CSTF3: variants seen among roughly 807,000 people sequenced by gnomAD.
CSTF3 encodes cleavage stimulation factor subunit 3, also known as CF-1 77 kDa subunit.
In CSTF3, 29 loss-of-function variants were observed where a neutral mutation model predicts 105.8. The observed-to-expected ratio is 0.27, with a 90% CI of 0.20 to 0.37. The LOEUF (loss-of-function observed/expected upper bound fraction) is 0.37. CSTF3 is among the 10% of genes least tolerant of loss of function. The pLI is 1.00. For missense variants in CSTF3, 357 were observed against 879.3 expected (o/e 0.41, Z 7.51); for synonymous variants, 252 against 281.9 (o/e 0.89, Z 1.06).
chr11:33,153,416 G>A (rs567504548), intron 1 of CSTF3, among the ~76,000 whole-genome samples: 1 of 152,198 alleles, frequency 6.6e-6, no homozygotes, highest in Non-Finnish European at 1.5e-5. Context: ...TTTATTAGGA[G>A]GTTGTTAATG....
intron 14 of CSTF3, 140 bp downstream of exon 14, chr11:33,096,695 A>C (rs1485237288): frequency 1.3e-6 from 1 of 777,348 alleles, no homozygotes; most frequent in Admixed American, 3.2e-5. Flanking sequence ...TGCTCCATAA[A>C]ATTTTACACA....
intron 3 of CSTF3, chr11:33,141,405 G>T: frequency 8.3e-7 from 1 of 1,205,582 alleles, no homozygotes; most frequent in Non-Finnish European, 1.0e-6. Context: ...CACATGACAA[G>T]TAAATAAAAG....
chr11:33,089,508 A>G lies in CSTF3; in HGVS notation c.1641+1024T>C, dbSNP rs553455001. On this transcript the variant is annotated intron_variant, in intron 17 of 20. Coordinates refer to ENST00000323959, the MANE Select transcript of CSTF3 (RefSeq NM_001326.3). ...AAGAACCTATCAATGATGTTAAATG[A>G]GGATTTACTGTAGTCTTAAACTATC... Among the ~76,000 whole-genome samples the G allele has an allele frequency of 3.3e-5, 5 of 152,346 alleles. 1 individual carries two copies. Among genetic ancestry groups the G allele is most frequent in the African/African-American group, 1.2e-4 (5 of 41,586 alleles).
intron 1 of CSTF3, among the ~76,000 whole-genome samples, chr11:33,158,625 C>T (rs1168338666): frequency 6.6e-6 from 1 of 152,128 alleles, no homozygotes; most frequent in African/African-American, 2.4e-5. Flanking sequence ...AATGAGATCA[C>T]CCTAAACCAA....
At chr11:33,118,478 G>T (rs551437536) in intron 3 of CSTF3, among the ~76,000 whole-genome samples, 17 of 151,748 alleles carry the variant, frequency 1.1e-4, no homozygotes, top group African/African-American at 4.1e-4. Flanking sequence ...GTAATTTTGG[G>T]GTAAGAAAAA....
chr11:33,110,400 T>C (rs184939394), intron 3 of CSTF3, among the ~76,000 whole-genome samples: 1 of 152,248 alleles, frequency 6.6e-6, no homozygotes, highest in Non-Finnish European at 1.5e-5. Context: ...AAATTTTCTA[T>C]GGGTCAGCTT....
rs1288556476 is a variant in CSTF3 at position 33,102,271 on chromosome 11, T to C, written c.732A>G (p.Gln244=). ...TCCACATATCTACTTGTTGAGCTTC[T>C]TGAGGAGTATTCTGAGGAGGCACCG... is the stretch of plus-strand genomic sequence containing the variant. ...APSVPPQNTP[Q]EAQQVDMWKK... Residue 244 remains glutamine (Q), a synonymous_variant, in exon 10 of 21, where the codon CAA becomes CAG. Transcript: ENST00000323959. 6.2e-7 allele frequency: 1 copy of C among 1,614,048 alleles called. No individual in the cohort carries two copies. Among genetic ancestry groups the C allele is most frequent in the East Asian group, 2.2e-5 (1 of 44,878 alleles).
intron 3 of CSTF3, among the ~76,000 whole-genome samples, chr11:33,120,405 T>A (rs1855474698): frequency 6.6e-6 from 1 of 151,874 alleles, no homozygotes; most frequent in South Asian, 2.1e-4. Context: ...AATAAACACA[T>A]ATATTACCCT....
At chr11:33,102,877 C>T (rs1429203353) in intron 9 of CSTF3, among the ~76,000 whole-genome samples, 2 of 152,158 alleles carry the variant, frequency 1.3e-5, no homozygotes, top group Non-Finnish European at 2.9e-5. Context: ...CTCTCTATGT[C>T]TTCTGTTTCC....
chr11:33,095,116 T>C (rs1008433218), intron 15 of CSTF3, among the ~76,000 whole-genome samples: 3 of 152,224 alleles, frequency 2.0e-5, no homozygotes, highest in African/African-American at 7.2e-5. Context: ...GCCAGGCTAG[T>C]CTCAAACTCC....
At chr11:33,098,851 C>T (rs1855251276) in intron 12 of CSTF3, 87 bp from the exon 13 acceptor site, 2 of 1,249,036 alleles carry the variant, frequency 1.6e-6, no homozygotes, top group East Asian at 2.5e-5. Flanking sequence ...GCTATAACCT[C>T]CCACCCCCAA....
chr11:33,098,348 A>G (rs1373363139), intron 13 of CSTF3, among the ~76,000 whole-genome samples: 1 of 152,260 alleles, frequency 6.6e-6, no homozygotes, highest in East Asian at 1.9e-4. Context: ...AAGTGACTTC[A>G]AACCATGATC....
chr11:33,124,676 A>T (rs1025766607), intron 3 of CSTF3, among the ~76,000 whole-genome samples: 14 of 152,182 alleles, frequency 9.2e-5, no homozygotes, highest in African/African-American at 2.9e-4. Context: ...AAACCTGGAT[A>T]CTTAATAAAT....
At chr11:33,156,792 C>T (rs73482865) in intron 1 of CSTF3, 71 of 442,982 alleles carry the variant, frequency 1.6e-4, no homozygotes, top group African/African-American at 1.3e-3. Flanking sequence ...CACAGTGAGA[C>T]CTCGTCTCTA....
intron 1 of CSTF3, among the ~76,000 whole-genome samples, chr11:33,155,252 T>C (rs1437458766): frequency 6.6e-6 from 1 of 151,820 alleles, no homozygotes; most frequent in Non-Finnish European, 1.5e-5. Flanking sequence ...TAGTCCCCGC[T>C]ACTAGGGAGG....
chr11:33,122,953 A>T (rs954839431), intron 3 of CSTF3, among the ~76,000 whole-genome samples: 20 of 151,236 alleles, frequency 1.3e-4, no homozygotes, highest in Non-Finnish European at 2.8e-4. Context: ...AAAAGAAAAG[A>T]AAAGTATGTA....
chr11:33,101,837 G>A (rs556598997), intron 10 of CSTF3, among the ~76,000 whole-genome samples: 1 of 151,732 alleles, frequency 6.6e-6, no homozygotes, highest in African/African-American at 2.4e-5. Flanking sequence ...TATGTTCTAA[G>A]AAACAAAGAA....
chr11:33,133,359 TATTA>T (rs1489194410), intron 3 of CSTF3, among the ~76,000 whole-genome samples: 2 of 152,236 alleles, frequency 1.3e-5, no homozygotes, highest in African/African-American at 4.8e-5. Context: ...TTATTTTTTC[TATTA>T]ATTATCAAAG....
chr11:33,154,527 C>T (rs1265704216), intron 1 of CSTF3, among the ~76,000 whole-genome samples: 2 of 129,040 alleles, frequency 1.5e-5, no homozygotes, highest in African/African-American at 3.0e-5. Context: ...GATGAAGTCT[C>T]ACTCTGTCAC....
Sources: gnomAD v4.1 joint callset for allele counts (sites outside exome capture counted in the v4.1 genomes callset) on GRCh38, gnomAD v4.1.1 for gene constraint, MANE v1.5 for transcripts, NCBI Gene and HGNC (gene_info 2026-07-23, HGNC 2026-07-21) for gene names.